AFAP1: variants seen among roughly 807,000 people sequenced by gnomAD.
AFAP1 encodes the protein actin filament-associated protein 1.
Under a neutral mutation model 93.9 loss-of-function variants are expected in AFAP1, and 75 were observed. That is an observed-to-expected ratio of 0.80 (90% CI 0.66 to 0.97). AFAP1 has a LOEUF of 0.97. AFAP1 is among the 50% of genes least tolerant of loss of function. The pLI, the probability that AFAP1 is intolerant of heterozygous loss-of-function variation, is 0.00. For missense variants in AFAP1, 1,201 were observed against 1,050.8 expected (o/e 1.14, Z -1.98); for synonymous variants, 517 against 430.7 (o/e 1.20, Z -2.48).
intron 1 of AFAP1, among the ~76,000 whole-genome samples, chr4:7,932,423 A>C (rs1459603536): frequency 5.9e-5 from 9 of 152,214 alleles, no homozygotes; most frequent in Non-Finnish European, 1.2e-4. Context: ...AAACTCAGGA[A>C]TGTGAATCGC....
chr4:7,896,446 C>T (rs1718772735), intron 1 of AFAP1, among the ~76,000 whole-genome samples: 1 of 152,062 alleles, frequency 6.6e-6, no homozygotes, highest in Admixed American at 6.5e-5. Flanking sequence ...CTACTCCCTC[C>T]CCAACCCCAT....
At chr4:7,934,194 T>C (rs999526644) in intron 1 of AFAP1, among the ~76,000 whole-genome samples, 1 of 152,188 alleles carries the variant, frequency 6.6e-6, no homozygotes, top group Admixed American at 6.5e-5. Context: ...TCCTTTCACT[T>C]AGAAACCTCC....
intron 4 of AFAP1, chr4:7,843,692 G>A (rs796704350): frequency 1.4e-4 from 33 of 243,200 alleles, no homozygotes; most frequent in African/African-American, 5.5e-4. Context: ...AGAGTGTTCC[G>A]CCATACAGAA....
rs1188581271 is a variant in AFAP1, at chr4:7,918,180, G to T, written c.-3+21476C>A. ...TCACCAGGAAACCGGGCTGCCAGAA[G>T]AGACACTCGGCCCAGGTCACCAGGA... is the stretch of plus-strand genomic sequence containing the variant. On this transcript the variant is annotated intron_variant, in intron 1 of 17. Coordinates refer to ENST00000420658, the MANE Select transcript of AFAP1 (RefSeq NM_001134647.2). Among the ~76,000 whole-genome samples the T allele has an allele frequency of 2.7e-5, 4 of 148,440 alleles. No homozygotes were observed. The East Asian group carries it at 8.0e-4, about 30-fold the overall frequency.
intron 16 of AFAP1, among the ~76,000 whole-genome samples, chr4:7,769,401 T>C (rs561740044): frequency 1.3e-5 from 2 of 152,184 alleles, no homozygotes; most frequent in Non-Finnish European, 2.9e-5. Context: ...GCCCTAGAGA[T>C]GCTCAGGTAG....
intron 6 of AFAP1, among the ~76,000 whole-genome samples, chr4:7,836,730 G>A (rs1712345342): frequency 6.6e-6 from 1 of 152,094 alleles, no homozygotes; most frequent in Non-Finnish European, 1.5e-5. Context: ...TTACAGGCAT[G>A]AGCCGCTGCG....
intron 11 of AFAP1, 48 bp from the exon 12 acceptor site, chr4:7,786,359 C>T (rs779888589): frequency 6.8e-7 from 1 of 1,478,278 alleles, no homozygotes; most frequent in Admixed American, 1.7e-5. Context: ...CCACCTTTTA[C>T]TCCAATCAGT....
chr4:7,917,894 G>C (rs1720176002), intron 1 of AFAP1, among the ~76,000 whole-genome samples: 1 of 152,152 alleles, frequency 6.6e-6, no homozygotes, highest in Non-Finnish European at 1.5e-5. Flanking sequence ...ACAACACTCA[G>C]CACCGCAAAG....
intron 1 of AFAP1, among the ~76,000 whole-genome samples, chr4:7,921,428 G>A (rs565479400): frequency 2.6e-5 from 4 of 151,936 alleles, no homozygotes; most frequent in East Asian, 1.9e-4. Flanking sequence ...CAGGTGATCC[G>A]CCTGTCTCCG....
chr4:7,808,935 G>A (rs1203344125), intron 9 of AFAP1, among the ~76,000 whole-genome samples: 1 of 152,116 alleles, frequency 6.6e-6, no homozygotes, highest in East Asian at 1.9e-4. Context: ...CACCATACTT[G>A]TATAGCCTGC....
intron 1 of AFAP1, among the ~76,000 whole-genome samples, chr4:7,928,067 T>G (rs1294493629): frequency 1.3e-5 from 2 of 152,178 alleles, no homozygotes; most frequent in African/African-American, 4.8e-5. Context: ...TAGATGGTAG[T>G]TAGAGTTACT....
At chr4:7,787,637 C>T (rs115258722) in intron 11 of AFAP1, among the ~76,000 whole-genome samples, 1 of 152,156 alleles carries the variant, frequency 6.6e-6, no homozygotes, top group East Asian at 1.9e-4. Flanking sequence ...AAGACCTGCC[C>T]GTTTAGTGGC....
chr4:7,809,370 G>T, intron 9 of AFAP1: 1 of 334,322 alleles, frequency 3.0e-6, no homozygotes, highest in Non-Finnish European at 5.2e-6. Context: ...GAGGATTAAA[G>T]GGAAATTTTT....
chr4:7,857,240 G>A (rs868587879), intron 3 of AFAP1, among the ~76,000 whole-genome samples: 9 of 151,952 alleles, frequency 5.9e-5, no homozygotes, highest in African/African-American at 1.7e-4. Flanking sequence ...GGGCTGTTGC[G>A]TTTTTTTAAT....
intron 2 of AFAP1, 81 bp downstream of exon 2, chr4:7,871,871 T>C: frequency 1.3e-6 from 2 of 1,505,736 alleles, no homozygotes; most frequent in Non-Finnish European, 1.8e-6. Context: ...TAAATATATT[T>C]TAGAAAGGTG....
chr4:7,827,353 C>G (rs146579844), intron 6 of AFAP1, among the ~76,000 whole-genome samples: 2 of 152,142 alleles, frequency 1.3e-5, no homozygotes, highest in African/African-American at 4.8e-5. Context: ...AGGCGGATCA[C>G]CTGAGGTCAG....
intron 1 of AFAP1, among the ~76,000 whole-genome samples, chr4:7,873,644 G>A (rs763371200): frequency 9.2e-5 from 14 of 151,906 alleles, no homozygotes; most frequent in African/African-American, 3.1e-4. Context: ...CACCACACCC[G>A]ACCAACACAC....
intron 9 of AFAP1, chr4:7,809,308 C>A (rs1251379070): frequency 1.1e-5 from 2 of 188,602 alleles, no homozygotes; most frequent in African/African-American, 2.3e-5. Context: ...ACCAGCAGCC[C>A]CTGCGTATGT....
intron 9 of AFAP1, among the ~76,000 whole-genome samples, chr4:7,808,150 A>G (rs998324803): frequency 1.3e-5 from 2 of 152,232 alleles, no homozygotes; most frequent in Non-Finnish European, 2.9e-5. Flanking sequence ...GTGAGCCGCA[A>G]TAGTACACAA....
Sources: allele counts gnomAD v4.1 joint callset (sites outside exome capture counted in the v4.1 genomes callset), GRCh38; gene constraint gnomAD v4.1.1; transcripts MANE v1.5; gene names NCBI Gene and HGNC (gene_info 2026-07-23, HGNC 2026-07-21).